PTPRD: variants seen among roughly 807,000 people sequenced by gnomAD.
PTPRD encodes receptor-type tyrosine-protein phosphatase delta.
In PTPRD, 34 loss-of-function variants were observed where a neutral mutation model predicts 214.5. The ratio of observed to expected loss-of-function variants is 0.16; its 90% CI spans 0.12 to 0.21. The LOEUF (loss-of-function observed/expected upper bound fraction) is 0.21. PTPRD is among the 10% of genes least tolerant of loss of function. The pLI is 1.00. For synonymous variants in PTPRD, 1,128 were observed against 845.7 expected (o/e 1.33, Z -5.79); for missense variants, 2,545 against 2,398.7 (o/e 1.06, Z -1.27).
At chr9:9,920,761 T>C (rs1304372939) in intron 5 of PTPRD, among the ~76,000 whole-genome samples, 1 of 152,092 alleles carries the variant, frequency 6.6e-6, no homozygotes, top group African/African-American at 2.4e-5. Flanking sequence ...TTTTAACATA[T>C]CAGAATTCTG....
chr9:10,269,923 G>C (rs973337879), intron 3 of PTPRD, among the ~76,000 whole-genome samples: 2 of 151,912 alleles, frequency 1.3e-5, no homozygotes, highest in African/African-American at 2.4e-5. Context: ...CTAAACCCAA[G>C]TATGTATAAT....
intron 26 of PTPRD, among the ~76,000 whole-genome samples, chr9:8,496,875 G>A (rs905673683): frequency 2.6e-5 from 4 of 152,184 alleles, no homozygotes; most frequent in African/African-American, 9.7e-5. Flanking sequence ...GTTAATGTTA[G>A]TGTATTTTAT....
chr9:9,328,118 T>G (rs559049412), intron 9 of PTPRD, among the ~76,000 whole-genome samples: 84 of 152,172 alleles, frequency 5.5e-4, no homozygotes, highest in Non-Finnish European at 1.0e-3. Flanking sequence ...TGAATTTAGA[T>G]TAAGTAGATT....
intron 7 of PTPRD, among the ~76,000 whole-genome samples, chr9:9,643,407 A>C (rs1452328086): frequency 6.6e-6 from 1 of 152,176 alleles, no homozygotes; most frequent in Non-Finnish European, 1.5e-5. Context: ...TTGGATTTGT[A>C]ACTCCAGGAC....
At chr9:9,908,622 G>C (rs1427922760) in intron 5 of PTPRD, among the ~76,000 whole-genome samples, 1 of 151,990 alleles carries the variant, frequency 6.6e-6, no homozygotes, top group African/African-American at 2.4e-5. Flanking sequence ...AGATTTAGTT[G>C]TCTATGCAGT....
At chr9:8,734,971 A>G (rs1340530733) in intron 11 of PTPRD, among the ~76,000 whole-genome samples, 1 of 152,068 alleles carries the variant, frequency 6.6e-6, no homozygotes, top group Admixed American at 6.6e-5. Context: ...GGAACTTTGG[A>G]AAACCTGAGT....
intron 3 of PTPRD, among the ~76,000 whole-genome samples, chr9:10,093,658 C>T (rs2098454837): frequency 6.6e-6 from 1 of 151,498 alleles, no homozygotes; most frequent in African/African-American, 2.4e-5. Context: ...TTCATTACAA[C>T]ACCATTTACA....
intron 2 of PTPRD, among the ~76,000 whole-genome samples, chr9:10,372,709 G>A (rs1213610205): frequency 2.0e-5 from 3 of 151,720 alleles, no homozygotes; most frequent in African/African-American, 4.8e-5. Context: ...AAGTTCAGTC[G>A]CTTCATGAGT....
chr9:8,669,630 G>T (rs1338534360), intron 12 of PTPRD, among the ~76,000 whole-genome samples: 1 of 152,148 alleles, frequency 6.6e-6, no homozygotes, highest in Non-Finnish European at 1.5e-5. Flanking sequence ...TGCAAATCTG[G>T]AAGTTTCAAA....
intron 5 of PTPRD, among the ~76,000 whole-genome samples, chr9:9,796,583 T>C (rs923276156): frequency 3.9e-5 from 6 of 152,122 alleles, no homozygotes; most frequent in Non-Finnish European, 8.8e-5. Context: ...GTACAAAACC[T>C]GTAGCCTGAT....
intron 7 of PTPRD, among the ~76,000 whole-genome samples, chr9:9,624,799 A>G (rs962797730): frequency 2.1e-4 from 32 of 150,394 alleles, no homozygotes; most frequent in African/African-American, 7.6e-4. Context: ...CTTTAGGTTA[A>G]GTTGTTACAA....
chr9:10,535,635 G>T (rs1026246936), intron 2 of PTPRD, among the ~76,000 whole-genome samples: 2 of 151,972 alleles, frequency 1.3e-5, no homozygotes, highest in Non-Finnish European at 2.9e-5. Context: ...AAGCCACAAG[G>T]ATATTTCACA....
chr9:10,029,192 C>G (rs1332368873), intron 4 of PTPRD, among the ~76,000 whole-genome samples: 2 of 152,162 alleles, frequency 1.3e-5, no homozygotes, highest in East Asian at 3.9e-4. Context: ...ACAGAAATAC[C>G]TGGATGTCCA....
At chr9:9,877,136 C>T (rs2067120333) in intron 5 of PTPRD, among the ~76,000 whole-genome samples, 1 of 152,120 alleles carries the variant, frequency 6.6e-6, no homozygotes, top group African/African-American at 2.4e-5. Flanking sequence ...TGAAATTTAT[C>T]ATAGTAATTC....
At chr9:9,633,877 T>C (rs544486749) in intron 7 of PTPRD, among the ~76,000 whole-genome samples, 3 of 152,314 alleles carry the variant, frequency 2.0e-5, no homozygotes, top group East Asian at 3.9e-4. Flanking sequence ...TGTATATTCA[T>C]GCAGTATATC....
chr9:9,291,204 C>G (rs1041760541), intron 9 of PTPRD, among the ~76,000 whole-genome samples: 2 of 151,406 alleles, frequency 1.3e-5, no homozygotes, highest in Admixed American at 6.6e-5. Flanking sequence ...ACAGGATTAT[C>G]GTAACACTGA....
At chr9:10,132,602 A>G (rs914196973) in intron 3 of PTPRD, among the ~76,000 whole-genome samples, 2 of 152,194 alleles carry the variant, frequency 1.3e-5, no homozygotes, top group African/African-American at 4.8e-5. Flanking sequence ...CATGTCCACC[A>G]TAAGGATAGC....
At chr9:9,136,220 A>C (rs1364564068) in intron 10 of PTPRD, among the ~76,000 whole-genome samples, 1 of 152,172 alleles carries the variant, frequency 6.6e-6, no homozygotes, top group Non-Finnish European at 1.5e-5. Context: ...CAAGCACTAG[A>C]AGCTCAAGTA....
chr9:9,669,472 G>A (rs778453131), intron 7 of PTPRD, among the ~76,000 whole-genome samples: 17 of 152,112 alleles, frequency 1.1e-4, no homozygotes, highest in Admixed American at 3.3e-4. Flanking sequence ...ATTTGTGAGT[G>A]CTTTAGAAGG....
Sources: allele counts gnomAD v4.1 joint callset (sites outside exome capture counted in the v4.1 genomes callset), GRCh38; gene constraint gnomAD v4.1.1; transcripts MANE v1.5; gene names NCBI Gene and HGNC (gene_info 2026-07-23, HGNC 2026-07-21).